IPO11: variants seen among roughly 807,000 people sequenced by gnomAD.
The protein encoded by IPO11 is importin-11.
A neutral mutation model predicts 143.2 loss-of-function variants in IPO11; 66 were observed. That is an observed-to-expected ratio of 0.46 (90% CI 0.38 to 0.57). The LOEUF (loss-of-function observed/expected upper bound fraction) is 0.57, where lower values mean the gene tolerates loss of function less well. Among genes scored for constraint, IPO11 ranks in the 20% least tolerant of loss-of-function variants. The pLI, the probability that IPO11 is intolerant of heterozygous loss-of-function variation, is 0.00. For synonymous variants in IPO11, 385 were observed against 377.8 expected, an observed-to-expected ratio of 1.02 and a Z score of -0.22; for missense variants, 1,026 against 1,141.0, an observed-to-expected ratio of 0.90 and a Z score of 1.45.
At chr5:62,606,153 G>C (rs760075361) in intron 29 of IPO11, among the ~76,000 whole-genome samples, 16 of 152,022 alleles carry the variant, frequency 1.1e-4, no homozygotes, top group Non-Finnish European at 2.1e-4. Flanking sequence ...TCAAGCTAAT[G>C]AGCAAATCTG....
chr5:62,429,624 G>GTGTA (rs1465144820), intron 1 of IPO11, among the ~76,000 whole-genome samples: 1 of 145,638 alleles, frequency 6.9e-6, no homozygotes, highest in Non-Finnish European at 1.5e-5. Flanking sequence ...GTGTGTGTGT[G>GTGTA]TGTATGTGTT....
At chr5:62,510,972 G>T (rs763533827) in intron 19 of IPO11, among the ~76,000 whole-genome samples, 3 of 152,118 alleles carry the variant, frequency 2.0e-5, no homozygotes, top group African/African-American at 7.2e-5. Context: ...ACCTTCAAGC[G>T]ATCTGCCCTC....
At chr5:62,481,183 G>T (rs1364222606) in intron 9 of IPO11, among the ~76,000 whole-genome samples, 10 of 152,086 alleles carry the variant, frequency 6.6e-5, no homozygotes, top group Non-Finnish European at 1.0e-4. Flanking sequence ...CTCCCAAAGT[G>T]CTGGGATTAC....
At chr5:62,492,502 TGGGG>T (rs1338137025) in intron 15 of IPO11, among the ~76,000 whole-genome samples, 2 of 152,168 alleles carry the variant, frequency 1.3e-5, no homozygotes, top group African/African-American at 4.8e-5. Context: ...ATAAACTTCT[TGGGG>T]GCAGGGAATA....
At chr5:62,520,806 A>G (rs955855285) in intron 20 of IPO11, among the ~76,000 whole-genome samples, 23 of 152,246 alleles carry the variant, frequency 1.5e-4, no homozygotes, top group Non-Finnish European at 2.4e-4. Flanking sequence ...TAGAGCCACA[A>G]TAAACATACA....
At chr5:62,546,561 A>C (rs1157002538) in intron 24 of IPO11, among the ~76,000 whole-genome samples, 1 of 152,172 alleles carries the variant, frequency 6.6e-6, no homozygotes, top group Non-Finnish European at 1.5e-5. Flanking sequence ...ACAAACCTGC[A>C]CGTTGTGCAC....
At chr5:62,598,041 A>G (rs1469708166) in intron 28 of IPO11, among the ~76,000 whole-genome samples, 1 of 152,178 alleles carries the variant, frequency 6.6e-6, no homozygotes, top group Non-Finnish European at 1.5e-5. Context: ...CAGATAAGTA[A>G]TCTTCTTCCT....
intron 27 of IPO11, among the ~76,000 whole-genome samples, chr5:62,583,158 A>G (rs1219624107): frequency 6.6e-6 from 1 of 152,194 alleles, no homozygotes; most frequent in Non-Finnish European, 1.5e-5. Flanking sequence ...CATTTTTAAT[A>G]ATGTATTTTT....
chr5:62,598,435 TCTCTCTCTC>T (rs1745334893), intron 28 of IPO11, among the ~76,000 whole-genome samples: 3 of 3,042 alleles, frequency 9.9e-4, no homozygotes, highest in Non-Finnish European at 1.6e-3. Context: ...TTTCTTTCTC[TCTCTCTCTC>T]TCTCTCTCTC....
At chr5:62,416,722 T>A (rs891833798) in intron 1 of IPO11, among the ~76,000 whole-genome samples, 3 of 151,628 alleles carry the variant, frequency 2.0e-5, no homozygotes, top group Non-Finnish European at 4.4e-5. Flanking sequence ...TATCTTTTTT[T>A]TTTTTTATTT....
intron 22 of IPO11, among the ~76,000 whole-genome samples, chr5:62,532,044 G>T (rs2112315335): frequency 6.6e-6 from 1 of 152,212 alleles, no homozygotes; most frequent in African/African-American, 2.4e-5. Flanking sequence ...CTTTATATTT[G>T]ACCTAAGATT....
At chr5:62,506,563 T>A (rs1741562434) in intron 19 of IPO11, among the ~76,000 whole-genome samples, 1 of 151,882 alleles carries the variant, frequency 6.6e-6, no homozygotes, top group South Asian at 2.1e-4. Flanking sequence ...AAAAAAAAAA[T>A]TGGATCAACA....
At chr5:62,506,411 G>T in intron 19 of IPO11, 54 bp downstream of exon 19, 3 of 965,974 alleles carry the variant, frequency 3.1e-6, no homozygotes, top group South Asian at 2.9e-5. Flanking sequence ...AATAGACGTA[G>T]AATTCATTAA....
chr5:62,440,500 G>GC lies in IPO11; in HGVS notation c.139-2476dup, dbSNP rs562159764. 7.9e-3 allele frequency among the ~76,000 whole-genome samples: 1,202 copies of GC among 151,298 alleles called. 5 individuals carry two copies. The highest frequency in any genetic ancestry group is 0.01 in the Non-Finnish European group (698 of 67,760). On this transcript the variant is annotated intron_variant, in intron 2 of 29. Coordinates refer to ENST00000325324, the MANE Select transcript of IPO11 (RefSeq NM_016338.5). ...CTCCTGAGTAGCTGGGATTACAGGC[G>GC]CCCCCCCACCATGCCTAGCTAATTT...
intron 1 of IPO11, among the ~76,000 whole-genome samples, chr5:62,435,146 ATATATGTATATATATGTATATATATG>A (rs1744154883): frequency 3.1e-5 from 3 of 95,824 alleles, no homozygotes; most frequent in African/African-American, 9.0e-5. Flanking sequence ...GTATATATGT[ATATATGTATATATATGTATATATATG>A]TATATATGTA....
At chr5:62,537,997 A>G (rs957194200) in intron 24 of IPO11, among the ~76,000 whole-genome samples, 8 of 152,184 alleles carry the variant, frequency 5.3e-5, no homozygotes, top group Admixed American at 3.9e-4. Flanking sequence ...CGTTGTGCAC[A>G]TGTACCCTGG....
chr5:62,477,811 T>C (rs1250052760), intron 9 of IPO11, among the ~76,000 whole-genome samples: 6 of 152,376 alleles, frequency 3.9e-5, no homozygotes, highest in Non-Finnish European at 8.8e-5. Context: ...AACTCTTTCT[T>C]AAGGTAATGA....
chr5:62,446,967 CA>C (rs1464155702), intron 3 of IPO11, among the ~76,000 whole-genome samples: 3,067 of 131,468 alleles, frequency 0.023, 67 homozygotes, highest in African/African-American at 0.068. Context: ...ACTCTGACTG[CA>C]AAAAAAAAAA....
intron 19 of IPO11, among the ~76,000 whole-genome samples, chr5:62,506,659 C>A (rs2112265766): frequency 6.6e-6 from 1 of 152,202 alleles, no homozygotes; most frequent in Non-Finnish European, 1.5e-5. Context: ...GGCATAGCCA[C>A]AAGTGTCCAT....
Sources: allele counts gnomAD v4.1 joint callset (sites outside exome capture counted in the v4.1 genomes callset), GRCh38; gene constraint gnomAD v4.1.1; transcripts MANE v1.5; gene names NCBI Gene and HGNC (gene_info 2026-07-23, HGNC 2026-07-21).